The following MYO7A variants were observed in gnomAD, a reference collection of about 807,000 sequenced individuals.
The protein encoded by MYO7A is myosin VIIA.
MYO7A carries 210 observed loss-of-function variants against 263.8 expected under a neutral mutation model. That is an observed-to-expected ratio of 0.80 (90% CI 0.71 to 0.89). The LOEUF is 0.89. Ranked by LOEUF, MYO7A falls within the 40% of genes least tolerant of loss-of-function variation. The probability of loss-of-function intolerance (pLI) is 0.00; values close to 1 mark genes in which losing one functional copy is unlikely to be tolerated. For synonymous variants in MYO7A, 1,239 were observed against 1,197.3 expected (o/e 1.03, Z -0.72); for missense variants, 2,820 against 2,968.3 (o/e 0.95, Z 1.16).
intron 13 of MYO7A, 97 bp from the exon 14 acceptor site, chr11:77,162,756 C>A: frequency 6.7e-7 from 1 of 1,487,426 alleles, no homozygotes; most frequent in Non-Finnish European, 9.1e-7. Context: ...GGAGGGGAAG[C>A]TCCTGAAGAA....
rs1417960935 is a variant in MYO7A at position 77,211,000 on chromosome 11, G to A, written c.6052-152G>A. 1.6e-5 allele frequency: 11 copies of A among 689,848 alleles called. No homozygotes were observed. The African/African-American group carries it at 1.8e-4, about 11-fold the overall frequency. 42.7% of individuals were successfully genotyped at this position (689,848 alleles called of 1,614,324 possible). On this transcript the variant is annotated intron_variant, in intron 44 of 48. Coordinates refer to ENST00000409709, the MANE Select transcript of MYO7A (RefSeq NM_000260.4). ...GTCCCTGTCCTGTGCCGTATCCCCT[G>A]GGGGAGCAGTGTCAGCTGAGGCTGG... is the stretch of plus-strand genomic sequence containing the variant.
Position 77,190,002 on chromosome 11 carries a change from C to T in MYO7A, c.3631-18C>T, listed in dbSNP as rs561872459. ...TGGGGAGCCCCAGGGGCCGCCTCAG[C>T]GGGTACTCTGGCTGCAGTACCTGCG... On this transcript the variant is annotated intron_variant, in intron 28 of 48. Transcript: ENST00000409709. 9.7e-5 allele frequency: 148 copies of T among 1,520,764 alleles called. No homozygotes were observed. The highest frequency in any genetic ancestry group is 1.2e-4 in the Non-Finnish European group (140 of 1,130,462). 94.2% of individuals were successfully genotyped at this position (1,520,764 alleles called of 1,614,324 possible).
Position 77,198,553 on chromosome 11 carries a change from T to C in MYO7A, c.4500T>C (p.Phe1500=). 1 of 1,613,896 alleles carries C rather than the reference T, an allele frequency of 6.2e-7. No homozygotes were observed. The highest frequency in any genetic ancestry group is 1.3e-5 in the African/African-American group (1 of 75,032). Residue 1500 remains phenylalanine (F), a synonymous_variant, in exon 34 of 49, where the codon TTT becomes TTC. Transcript: ENST00000409709. The part of the protein sequence containing the change: ...IVAVNWTGVY[F]VDEQEQVLLE... ...CCGTCAACTGGACGGGTGTGTACTTTGTGGATGAGCAGGAGCAGGTACTTC... is the reference window on the plus strand; with the variant it reads ...CCGTCAACTGGACGGGTGTGTACTTCGTGGATGAGCAGGAGCAGGTACTTC...
chr11:77,157,044 C>T (rs372077173), intron 7 of MYO7A, 40 bp downstream of exon 7: 8 of 1,599,146 alleles, frequency 5.0e-6, no homozygotes, highest in African/African-American at 1.3e-5. Context: ...AGACCCAGGC[C>T]CCTGGCCTCA....
intron 15 of MYO7A, among the ~76,000 whole-genome samples, chr11:77,171,350 C>T (rs1954071175): frequency 6.6e-6 from 1 of 152,208 alleles, no homozygotes; most frequent in Non-Finnish European, 1.5e-5. Context: ...TGACCGGGGT[C>T]ACCCGGTGCT....
chr11:77,182,206 T>A, intron 24 of MYO7A, 52 bp downstream of exon 24: 6 of 1,598,852 alleles, frequency 3.8e-6, no homozygotes, highest in Non-Finnish European at 5.1e-6. Context: ...GGGCTGGGGC[T>A]ATGGACTCTG....
At chr11:77,198,646 A>G (rs1179536363) in intron 34 of MYO7A, 25 bp downstream of exon 34, 5 of 1,612,728 alleles carry the variant, frequency 3.1e-6, no homozygotes, top group African/African-American at 1.3e-5. Context: ...ATGGAGATGC[A>G]GACAGACAGA....
At position 77,199,771 on chromosome 11, in the gene MYO7A, G is replaced by A. The variant is rs139889944; in HGVS notation, c.4805G>A (p.Arg1602Gln). The change falls in exon 35 of 49, where the codon CGG becomes CAG. Residue 1602 changes from arginine (R) to glutamine (Q), a missense_variant. By Grantham distance (43) the Arg-to-Gln change is conservative. Transcript: ENST00000409709. ...GTGGTCACCTTCCTAGAGGGGCTCC[G>A]GAAGAGATCTAAGTATGTTGTGGCC... ...DLVVTFLEGL[R>Q]KRSKYVVALQ... 1,787 of 1,611,594 alleles carry A rather than the reference G, an allele frequency of 1.1e-3. 39 individuals are homozygous for A. In the East Asian group the frequency reaches 0.033, roughly 30 times the overall value.
chr11:77,163,369 A>C (rs1555070521), intron 14 of MYO7A, among the ~76,000 whole-genome samples: 1 of 152,042 alleles, frequency 6.6e-6, no homozygotes, highest in Non-Finnish European at 1.5e-5. Flanking sequence ...TACATCGTTT[A>C]ACGTCATTTC....
In MYO7A at chr11:77,189,422, C is replaced by T. The variant is rs886044828; in HGVS notation, c.3582C>T (p.Leu1194=). The change falls in exon 28 of 49, where the codon CTC becomes CTT. Residue 1194 remains leucine (L), a synonymous_variant. Coordinates refer to ENST00000409709, the MANE Select transcript of MYO7A (RefSeq NM_000260.4). ...SKSSYARGWI[L]VSLCVGCFAP... ...GCAGCTATGCCCGGGGCTGGATTCT[C>T]GTGTCTCTCTGCGTGGGCTGTTTCG... The T allele has an allele frequency of 8.1e-6, 13 of 1,613,806 alleles. No homozygotes were observed. Among genetic ancestry groups the T allele is most frequent in the South Asian group, 3.3e-5 (3 of 91,082 alleles).
rs782373207 is a variant in MYO7A at position 77,175,411 on chromosome 11, G to A, written c.2134G>A (p.Val712Met). 5 of 1,613,390 alleles carry A rather than the reference G, an allele frequency of 3.1e-6. No homozygotes were observed. Among genetic ancestry groups the A allele is most frequent in the East Asian group, 4.5e-5 (2 of 44,882 alleles). Residue 712 changes from valine to methionine, a missense_variant, in exon 18 of 49, where the codon GTG (valine) becomes ATG (methionine). Val to Met is a conservative substitution (Grantham distance 21, BLOSUM62 1). Coordinates refer to ENST00000409709, the MANE Select transcript of MYO7A (RefSeq NM_000260.4). ...RGTCQRMAEA[V>M]LGTHDDWQIG... is the part of the protein sequence containing the mutation. ...GACTTGCCAGCGCATGGCTGAGGCTGTGCTGGGCACCCACGATGACTGGCA... is the reference window on the plus strand; with the variant it reads ...GACTTGCCAGCGCATGGCTGAGGCTATGCTGGGCACCCACGATGACTGGCA...
At chr11:77,160,140 A>T in intron 10 of MYO7A, 23 bp from the exon 11 acceptor site, 1 of 1,544,324 alleles carries the variant, frequency 6.5e-7, no homozygotes, top group Non-Finnish European at 8.7e-7. Context: ...GCAGGTGAGC[A>T]CCTGGGGTGT....
At position 77,214,087 on chromosome 11, in the gene MYO7A, C is replaced by T. The variant is rs570688903; in HGVS notation, c.6558+108C>T. 1.0e-5 allele frequency: 15 copies of T among 1,489,620 alleles called. No homozygotes were observed. The South Asian group carries it at 1.3e-4, about 12-fold the overall frequency. The allele number at this position is 1,489,620 out of a possible 1,614,324, so 92.3% of individuals were successfully genotyped here. On this transcript the variant is annotated intron_variant, in intron 48 of 48. Coordinates refer to ENST00000409709, the MANE Select transcript of MYO7A (RefSeq NM_000260.4). ...AGTAGTGTGCGGCTGGGCCTGGGGT[C>T]GTGGGCAAGGGTCATGCTGGGGCCA...
chr11:77,157,089 C>T lies in MYO7A; in HGVS notation c.735+85C>T, dbSNP rs1952542892. 1.9e-6 allele frequency: 3 copies of T among 1,542,840 alleles called. No homozygotes were observed. In the African/African-American group the frequency reaches 4.1e-5, roughly 21 times the overall value. ...GTGGCCCACCTGCCCGTATTGCTGC[C>T]CGTATTGCTCCCCCACCTGCCCGTA... On this transcript the variant is annotated intron_variant, in intron 7 of 48. Coordinates refer to ENST00000409709, the MANE Select transcript of MYO7A (RefSeq NM_000260.4).
Position 77,175,123 on chromosome 11 carries a change from G to A in MYO7A, c.2094+209G>A, listed in dbSNP as rs148914361. On this transcript the variant is annotated intron_variant, in intron 17 of 48. Coordinates refer to ENST00000409709, the MANE Select transcript of MYO7A (RefSeq NM_000260.4). ...TGGTGAGGACTTCACACATGGTGGT[G>A]TAAGGAACAAGACCAGGGCTGCCAC... 4.1e-4 allele frequency among the ~76,000 whole-genome samples: 63 copies of A among 152,308 alleles called. 2 individuals are homozygous for A. The East Asian group carries it at 9.9e-3, about 24-fold the overall frequency.
At chr11:77,163,010 C>T (rs782621617) in intron 14 of MYO7A, 22 bp downstream of exon 14, 1 of 1,612,178 alleles carries the variant, frequency 6.2e-7, no homozygotes, top group South Asian at 1.1e-5. Context: ...TGCCGGCTGT[C>T]TGTCACTCCC....
chr11:77,180,467 G>A lies in MYO7A; in HGVS notation c.2680G>A (p.Glu894Lys), dbSNP rs372366760. Residue 894 changes from glutamate (E) to lysine (K), a missense_variant, in exon 22 of 49, where the codon GAG becomes AAG. Physicochemically the swap from Glu to Lys is moderately conservative, Grantham distance 56 (BLOSUM62 1). Transcript: ENST00000409709. Reference sequence around the variant, plus strand: ...CGCCAAGAAGGCCAAGGAGGAGGCCGAGCGCAAGCATCAGGTGAGCTGAGA... The same window carrying A: ...CGCCAAGAAGGCCAAGGAGGAGGCCAAGCGCAAGCATCAGGTGAGCTGAGA... ...MSAKKAKEEAERKHQERLAQL... is the reference protein window; with the variant it reads ...MSAKKAKEEAKRKHQERLAQL... 4.5e-5 allele frequency: 73 copies of A among 1,612,094 alleles called. No individual in the cohort carries two copies. Among genetic ancestry groups the A allele is most frequent in the African/African-American group, 2.0e-4 (15 of 74,934 alleles).
At chr11:77,131,118 G>A (rs574260069) in intron 2 of MYO7A, among the ~76,000 whole-genome samples, 6 of 152,308 alleles carry the variant, frequency 3.9e-5, no homozygotes, top group South Asian at 2.1e-4. Context: ...GTGCTGGCCC[G>A]AGCTGAGTCC....
chr11:77,206,921 C>G (rs764323296), intron 41 of MYO7A: 1 of 183,446 alleles, frequency 5.5e-6, no homozygotes, highest in Non-Finnish European at 1.1e-5. Flanking sequence ...CCCATCTGTC[C>G]GGGCTGCTTT....
Sources: gnomAD v4.1 joint callset for allele counts (sites outside exome capture counted in the v4.1 genomes callset) on GRCh38, gnomAD v4.1.1 for gene constraint, MANE v1.5 for transcripts, NCBI Gene and HGNC (gene_info 2026-07-23, HGNC 2026-07-21) for gene names.